The following EHMT1 variants were observed in gnomAD, a reference collection of about 807,000 sequenced individuals.
EHMT1 encodes histone-lysine N-methyltransferase EHMT1.
EHMT1 carries 15 observed loss-of-function variants against 147.2 expected under a neutral mutation model. The ratio of observed to expected loss-of-function variants is 0.10; its 90% confidence interval spans 0.07 to 0.16. The LOEUF is 0.16. Ranked by LOEUF, EHMT1 falls within the 10% of genes least tolerant of loss-of-function variation. The probability of loss-of-function intolerance (pLI) is 1.00; values close to 1 mark genes in which losing one functional copy is unlikely to be tolerated. For synonymous variants in EHMT1, 795 were observed against 709.6 expected (o/e 1.12, Z -1.91); for missense variants, 1,587 against 1,772.4 (o/e 0.90, Z 1.88).
At chr9:137,681,614 C>A in intron 1 of EHMT1, among the ~76,000 whole-genome samples, 1 of 152,000 alleles carries the variant, frequency 6.6e-6, no homozygotes, top group East Asian at 1.9e-4. Context: ...TTCCTGATAC[C>A]TTCACAGGCT....
At chr9:137,834,193 C>T (rs1956430624) in intron 25 of EHMT1, 156 bp from the exon 26 acceptor site, 10 of 979,678 alleles carry the variant, frequency 1.0e-5, no homozygotes, top group Admixed American at 4.7e-5. Flanking sequence ...GCGGAGGCTC[C>T]GCACCGCCGC....
At chr9:137,667,782 G>A (rs558883602) in intron 1 of EHMT1, among the ~76,000 whole-genome samples, 1 of 152,266 alleles carries the variant, frequency 6.6e-6, no homozygotes, top group Non-Finnish European at 1.5e-5. Context: ...AGAACTCGGG[G>A]AGGAAAACGC....
At chr9:137,752,510 G>A (rs867506224) in intron 7 of EHMT1, 102 bp downstream of exon 7, 52 of 1,355,938 alleles carry the variant, frequency 3.8e-5, no homozygotes, top group Admixed American at 3.0e-4. Flanking sequence ...TTGCCTGAGC[G>A]CTCACCCATG....
At chr9:137,781,233 G>GTGA (rs1951491759) in intron 14 of EHMT1, among the ~76,000 whole-genome samples, 1 of 94,986 alleles carries the variant, frequency 1.1e-5, no homozygotes, top group Non-Finnish European at 2.0e-5. Flanking sequence ...GGGACGTGTG[G>GTGA]TGACGACGCT....
At chr9:137,715,896 C>A (rs1945172275) in intron 2 of EHMT1, 2 of 915,852 alleles carry the variant, frequency 2.2e-6, no homozygotes, top group Non-Finnish European at 2.6e-6. Context: ...AACTAACGTT[C>A]AACGTTAATG....
intron 1 of EHMT1, among the ~76,000 whole-genome samples, chr9:137,653,645 C>G (rs570690346): frequency 3.0e-4 from 45 of 152,268 alleles, no homozygotes; most frequent in Non-Finnish European, 5.7e-4. Context: ...TCTCCTGCCT[C>G]AGCCTCCCGA....
At chr9:137,690,218 C>CAA (rs1942818371) in intron 1 of EHMT1, among the ~76,000 whole-genome samples, 1 of 152,128 alleles carries the variant, frequency 6.6e-6, no homozygotes, top group Admixed American at 6.5e-5. Context: ...CGATGGACGT[C>CAA]ATGTAGAATT....
intron 10 of EHMT1, among the ~76,000 whole-genome samples, chr9:137,765,409 A>T (rs1392207903): frequency 6.6e-6 from 1 of 152,120 alleles, no homozygotes; most frequent in Admixed American, 6.6e-5. Flanking sequence ...TTAAGAACTC[A>T]TGGTCTTCTC....
At chr9:137,733,327 G>A (rs1451365987) in intron 4 of EHMT1, among the ~76,000 whole-genome samples, 1 of 152,200 alleles carries the variant, frequency 6.6e-6, no homozygotes, top group Admixed American at 6.5e-5. Context: ...CCCACGTGTA[G>A]CGGTTCACAA....
intron 18 of EHMT1, among the ~76,000 whole-genome samples, chr9:137,805,938 G>A (rs192067894): frequency 6.6e-6 from 1 of 151,886 alleles, no homozygotes; most frequent in Non-Finnish European, 1.5e-5. Context: ...TGGGATTACA[G>A]GTGTGAGCGA....
In EHMT1 at chr9:137,732,276, G is replaced by A. The variant is rs1016311036; in HGVS notation, c.823+3747G>A. ...CCGCTCTTCACTCCCGCAGTTCAGCGAACGGGAGCGTGTCACTGCCTGCAG... is the reference window on the plus strand; with the variant it reads ...CCGCTCTTCACTCCCGCAGTTCAGCAAACGGGAGCGTGTCACTGCCTGCAG... On this transcript the variant is annotated intron_variant, in intron 4 of 26. Transcript: ENST00000460843. The surrounding 1 kb of genome is among the most constrained non-coding windows in gnomAD (Gnocchi z 4.6). Among the ~76,000 whole-genome samples, 2 of 152,236 alleles carry A rather than the reference G, an allele frequency of 1.3e-5. No homozygotes were observed. The highest frequency in any genetic ancestry group is 4.8e-5 in the African/African-American group (2 of 41,464).
At chr9:137,701,335 G>A (rs976675409) in intron 1 of EHMT1, among the ~76,000 whole-genome samples, 1 of 151,318 alleles carries the variant, frequency 6.6e-6, no homozygotes, top group Non-Finnish European at 1.5e-5. Context: ...CTAGGCTGGA[G>A]TGCAATGATG....
At chr9:137,646,384 C>T (rs1403364376) in intron 1 of EHMT1, 2 of 985,402 alleles carry the variant, frequency 2.0e-6, no homozygotes, top group Non-Finnish European at 1.2e-6. Flanking sequence ...GGGCAAGAAT[C>T]CTGTGACCAC....
chr9:137,812,177 A>T (rs1272423831), intron 19 of EHMT1, among the ~76,000 whole-genome samples: 2 of 152,144 alleles, frequency 1.3e-5, no homozygotes, highest in Non-Finnish European at 2.9e-5. Context: ...CATCTCTACT[A>T]AAATACAAAA....
chr9:137,812,269 C>A (rs1251188743), intron 19 of EHMT1, among the ~76,000 whole-genome samples: 1 of 152,150 alleles, frequency 6.6e-6, no homozygotes, highest in Non-Finnish European at 1.5e-5. Context: ...ACCCAGGAGG[C>A]AAGAGATTGC....
Position 137,828,725 on chromosome 9 carries a change from C to T in EHMT1, c.3541-5624C>T, listed in dbSNP as rs1023834273. 2.6e-5 allele frequency among the ~76,000 whole-genome samples: 4 copies of T among 152,216 alleles called. 1 individual carries two copies. Among genetic ancestry groups the T allele is most frequent in the African/African-American group, 4.8e-5 (2 of 41,524 alleles). On this transcript the variant is annotated intron_variant, in intron 25 of 26. Coordinates refer to ENST00000460843, the MANE Select transcript of EHMT1 (RefSeq NM_024757.5). The surrounding 1 kb of genome is among the most constrained non-coding windows in gnomAD (Gnocchi z 5.3). ...CACTGCACTAGAGCATCTCTAAGGC[C>T]GGTGGTTCTGGACAGAAAAACCACA...
At position 137,655,079 on chromosome 9, in the gene EHMT1, ACCT is replaced by A. The variant is rs549775727; in HGVS notation, c.21+36038_21+36040del. 4.4e-4 allele frequency among the ~76,000 whole-genome samples: 66 copies of A among 151,274 alleles called. 1 individual carries two copies. In the South Asian group the frequency reaches 9.4e-3, roughly 22 times the overall value. On this transcript the variant is annotated intron_variant, in intron 1 of 26. Transcript: ENST00000460843. ...AATGGCATGATCTCGGCTCACTGCA[ACCT>A]CCTCCTCTCAGGTTCAAAAGAGTCT...
intron 18 of EHMT1, among the ~76,000 whole-genome samples, chr9:137,805,649 T>A (rs1953884084): frequency 1.3e-5 from 2 of 152,204 alleles, no homozygotes; most frequent in Admixed American, 1.3e-4. Flanking sequence ...GTTATTCTGT[T>A]TAAACAGTCA....
At chr9:137,669,409 GCACTC>G (rs1940200810) in intron 1 of EHMT1, among the ~76,000 whole-genome samples, 2 of 143,918 alleles carry the variant, frequency 1.4e-5, no homozygotes, top group Admixed American at 7.2e-5. Flanking sequence ...CACAGCACGT[GCACTC>G]CACGACTGCA....
Sources: allele counts gnomAD v4.1 joint callset (sites outside exome capture counted in the v4.1 genomes callset), GRCh38; gene constraint gnomAD v4.1.1; non-coding constraint Gnocchi (gnomAD v3.1); transcripts MANE v1.5; gene names NCBI Gene and HGNC (gene_info 2026-07-23, HGNC 2026-07-21).